ZNF18: variants seen among roughly 807,000 people sequenced by gnomAD.
ZNF18 encodes the protein heart development-specific gene 1 protein.
A neutral mutation model predicts 58.1 loss-of-function variants in ZNF18; 42 were observed. The observed-to-expected ratio is 0.72, with a 90% CI of 0.56 to 0.93. The LOEUF is 0.93. ZNF18 is among the 40% of genes least tolerant of loss of function. The pLI is 0.00. For synonymous variants in ZNF18, 231 were observed against 239.8 expected, an observed-to-expected ratio of 0.96 and a Z score of 0.34; for missense variants, 540 against 644.2, an observed-to-expected ratio of 0.84 and a Z score of 1.75.
the ZNF18 span, among the ~76,000 whole-genome samples, chr17:12,008,407 C>T: frequency 1.3e-5 from 2 of 152,018 alleles, no homozygotes; most frequent in Admixed American, 1.3e-4. Flanking sequence ...GCTACGTTGC[C>T]CAGGCTAGGC....
At chr17:11,983,470 G>T in intron 5 of ZNF18, 63 bp from the exon 6 acceptor site, 2 of 1,324,274 alleles carry the variant, frequency 1.5e-6, no homozygotes, top group Non-Finnish European at 1.1e-6. Context: ...CTCAAGCTGT[G>T]TCTTTCAAAG....
intron 4 of ZNF18, among the ~76,000 whole-genome samples, chr17:11,989,721 G>A (rs1005725116): frequency 6.6e-6 from 1 of 152,042 alleles, no homozygotes; most frequent in Admixed American, 6.5e-5. Context: ...TATACTGGAT[G>A]AGATTAACAG....
At chr17:11,980,533 G>T (rs2151468891) in intron 6 of ZNF18, among the ~76,000 whole-genome samples, 1 of 152,156 alleles carries the variant, frequency 6.6e-6, no homozygotes, top group East Asian at 1.9e-4. Flanking sequence ...CGATTCTCCT[G>T]CCTCAGCCTC....
upstream of ZNF18, among the ~76,000 whole-genome samples, chr17:11,997,958 T>A (rs1968575525): frequency 6.6e-6 from 1 of 152,172 alleles, no homozygotes; most frequent in Non-Finnish European, 1.5e-5. Flanking sequence ...CCCACTCTCA[T>A]CAGCTCTGCA....
intron 6 of ZNF18, among the ~76,000 whole-genome samples, chr17:11,981,145 A>C (rs1967315587): frequency 6.6e-6 from 1 of 152,080 alleles, no homozygotes; most frequent in Non-Finnish European, 1.5e-5. Flanking sequence ...TTTTCAAACC[A>C]GGCCTTTCCC....
chr17:12,015,905 C>CT, the ZNF18 span, among the ~76,000 whole-genome samples: 1 of 152,100 alleles, frequency 6.6e-6, no homozygotes, highest in African/African-American at 2.4e-5. Context: ...TCTCTTGGTA[C>CT]TCAGCCTTCT....
chr17:12,018,433 C>T, the ZNF18 span, among the ~76,000 whole-genome samples: 1 of 152,168 alleles, frequency 6.6e-6, no homozygotes, highest in South Asian at 2.1e-4. Flanking sequence ...TGTAGATGAT[C>T]ATCTTCTCCT....
chr17:12,012,695 T>A, the ZNF18 span, among the ~76,000 whole-genome samples: 1 of 152,090 alleles, frequency 6.6e-6, no homozygotes, highest in South Asian at 2.1e-4. Context: ...TCTTTTTTTT[T>A]AGACAAATCT....
At chr17:12,021,230 G>C in the ZNF18 span, 1 of 300,286 alleles carries the variant, frequency 3.3e-6, no homozygotes. Context: ...CCTGCGCTTG[G>C]CCCCTGGGCC....
At chr17:12,019,605 C>T in the ZNF18 span, among the ~76,000 whole-genome samples, 28 of 152,154 alleles carry the variant, frequency 1.8e-4, no homozygotes, top group East Asian at 5.2e-3. Flanking sequence ...CCTACCTGCT[C>T]TCACCTTCAA....
chr17:11,984,247 T>G (rs757482391), intron 4 of ZNF18, 50 bp from the exon 5 acceptor site: 1 of 1,540,372 alleles, frequency 6.5e-7, no homozygotes, highest in East Asian at 2.3e-5. Context: ...CCAATGAAGG[T>G]GTTTGAACCT....
In ZNF18 at chr17:11,978,747, A is replaced by G. The variant is rs773295758; in HGVS notation, c.863-3T>C. 1 of 1,568,522 alleles carries G rather than the reference A, an allele frequency of 6.4e-7. No homozygotes were observed. The highest frequency in any genetic ancestry group is 8.6e-7 in the Non-Finnish European group (1 of 1,164,470). On this transcript the variant is annotated splice_region_variant and splice_polypyrimidine_tract_variant and intron_variant, in intron 6 of 6. Coordinates refer to ENST00000580306, the MANE Select transcript of ZNF18 (RefSeq NM_001303281.2). ...CTTGTCATTCTCTTGTCTATCTCCT[A>G]AAAGAAGAAAGAAGATTTGAAATGG...
intron 1 of ZNF18, chr17:11,997,009 C>A (rs1968510672): frequency 6.6e-6 from 1 of 152,284 alleles, no homozygotes; most frequent in African/African-American, 2.4e-5. Flanking sequence ...TATGTATTCT[C>A]CACCATGCGC....
Position 11,992,662 on chromosome 17 carries a change from A to G in ZNF18, c.168T>C (p.His56=). The G allele has an allele frequency of 1.2e-6, 2 of 1,614,226 alleles. No individual in the cohort carries two copies. The highest frequency in any genetic ancestry group is 4.5e-5 in the East Asian group (2 of 44,886). Residue 56 remains histidine (H), a synonymous_variant, in exon 2 of 7, where the codon CAT becomes CAC. Coordinates refer to ENST00000580306, the MANE Select transcript of ZNF18 (RefSeq NM_001303281.2). ...GCTTCCGAAGTTGCTTCAAGGTCTC[A>G]TGAGGCCCAGACATCACCTGGTAAC... The part of the protein sequence containing the change: ...QFRYQVMSGP[H]ETLKQLRKLC...
chr17:11,981,036 G>A (rs968997798), intron 6 of ZNF18, among the ~76,000 whole-genome samples: 1 of 152,108 alleles, frequency 6.6e-6, no homozygotes, highest in African/African-American at 2.4e-5. Context: ...ACTAGGAGCT[G>A]TTCTTCCATA....
chr17:11,995,225 A>G (rs1968392685), intron 1 of ZNF18, among the ~76,000 whole-genome samples: 1 of 151,724 alleles, frequency 6.6e-6, no homozygotes, highest in Admixed American at 6.6e-5. Context: ...CCTGTCCAAC[A>G]TGGCAAAACC....
chr17:12,003,745 C>A, the ZNF18 span, among the ~76,000 whole-genome samples: 1 of 152,152 alleles, frequency 6.6e-6, no homozygotes, highest in African/African-American at 2.4e-5. Flanking sequence ...AAAGTCATTC[C>A]ATGCTTAGGC....
At chr17:12,020,695 C>T in the ZNF18 span, 3 of 357,818 alleles carry the variant, frequency 8.4e-6, no homozygotes, top group Non-Finnish European at 1.0e-5. Context: ...CACCCAGAGC[C>T]GGGCGGTTCT....
intron 2 of ZNF18, among the ~76,000 whole-genome samples, chr17:11,991,662 G>A (rs1968136503): frequency 6.6e-6 from 1 of 152,252 alleles, no homozygotes; most frequent in African/African-American, 2.4e-5. Context: ...TTGAGGGACA[G>A]GTGAAAGAAG....
Sources: gnomAD v4.1 joint callset for allele counts (sites outside exome capture counted in the v4.1 genomes callset) on GRCh38, gnomAD v4.1.1 for gene constraint, MANE v1.5 for transcripts, NCBI Gene and HGNC (gene_info 2026-07-23, HGNC 2026-07-21) for gene names.